Variants in SUPT3H observed in about 807,000 individuals in gnomAD.
The protein encoded by SUPT3H is SPT3 homolog, SAGA and STAGA complex component.
SUPT3H carries 44 observed loss-of-function variants against 44.3 expected under a neutral mutation model. The ratio of observed to expected loss-of-function variants is 0.99; its 90% confidence interval spans 0.78 to 1.28. SUPT3H has a LOEUF of 1.28. Ranked by LOEUF, SUPT3H falls within the 50% of genes most tolerant of loss-of-function variation. The pLI is 0.00. For synonymous variants in SUPT3H, 124 were observed against 125.6 expected (o/e 0.99, Z 0.09); for missense variants, 380 against 387.1 (o/e 0.98, Z 0.15).
intron 2 of SUPT3H, among the ~76,000 whole-genome samples, chr6:45,295,784 C>G (rs372637190): frequency 6.6e-6 from 1 of 151,816 alleles, no homozygotes; most frequent in Non-Finnish European, 1.5e-5. Flanking sequence ...ATCAATACCA[C>G]CAAATCCTGC....
chr6:45,055,390 T>C (rs1195240664), intron 3 of SUPT3H, among the ~76,000 whole-genome samples: 2 of 152,124 alleles, frequency 1.3e-5, no homozygotes, highest in African/African-American at 4.8e-5. Flanking sequence ...TGAACAAATC[T>C]GGTGGCAACA....
At chr6:45,028,529 A>G in intron 3 of SUPT3H, among the ~76,000 whole-genome samples, 1 of 151,870 alleles carries the variant, frequency 6.6e-6, no homozygotes. Flanking sequence ...TACACTTAAA[A>G]TTATTTTGTT....
At chr6:45,359,176 T>G (rs372314818) in intron 2 of SUPT3H, among the ~76,000 whole-genome samples, 3 of 152,300 alleles carry the variant, frequency 2.0e-5, no homozygotes. Flanking sequence ...ATCAATTATT[T>G]TATGTAGCCA....
rs530380389 is a variant in SUPT3H, at chr6:45,219,916, G to A, written c.102-113910C>T. Among the ~76,000 whole-genome samples the A allele has an allele frequency of 3.3e-5, 5 of 151,502 alleles. No homozygotes were observed. In the East Asian group the frequency reaches 7.8e-4, roughly 24 times the overall value. On this transcript the variant is annotated intron_variant, in intron 2 of 10. Coordinates refer to ENST00000371459, the MANE Select transcript of SUPT3H (RefSeq NM_003599.4). Reference sequence around the variant, plus strand: ...TAGCTGGGTGTGGTGGCACGTGCCCGTAGTCCCAGCTATTTGGGAGGCTGA... The same window carrying A: ...TAGCTGGGTGTGGTGGCACGTGCCCATAGTCCCAGCTATTTGGGAGGCTGA...
rs1395782561 is a variant in SUPT3H at position 44,877,264 on chromosome 6, C to CA, written c.913-47408dup. ...GGCAGATCACCTGAGGTCAGGAGTT[C>CA]AAGACCAGTCTGGTCAACATGGTGA... On this transcript the variant is annotated intron_variant, in intron 10 of 10. Coordinates refer to ENST00000371459, the MANE Select transcript of SUPT3H (RefSeq NM_003599.4). Among the ~76,000 whole-genome samples, 7 of 152,260 alleles carry CA rather than the reference C, an allele frequency of 4.6e-5. No homozygotes were observed. The South Asian group carries it at 1.2e-3, about 27-fold the overall frequency.
intron 8 of SUPT3H, among the ~76,000 whole-genome samples, 182 bp from the exon 9 acceptor site, chr6:44,953,599 C>T (rs961508137): frequency 1.3e-5 from 2 of 152,178 alleles, no homozygotes; most frequent in Non-Finnish European, 1.5e-5. Context: ...ATGATATATT[C>T]TGACTTTTTA....
At chr6:44,854,334 T>G (rs563496236) in intron 10 of SUPT3H, among the ~76,000 whole-genome samples, 63 of 152,286 alleles carry the variant, frequency 4.1e-4, no homozygotes, top group Non-Finnish European at 6.5e-4. Context: ...ACACCCTAAC[T>G]GGTCTCCTTG....
intron 10 of SUPT3H, among the ~76,000 whole-genome samples, chr6:44,869,243 T>C (rs1461595759): frequency 1.3e-5 from 2 of 151,902 alleles, no homozygotes; most frequent in Non-Finnish European, 2.9e-5. Flanking sequence ...GAAAGACAAA[T>C]AGCATATCAC....
intron 11 of SUPT3H, among the ~76,000 whole-genome samples, chr6:44,813,212 G>A (rs1169513557): frequency 6.6e-6 from 1 of 152,136 alleles, no homozygotes; most frequent in African/African-American, 2.4e-5. Context: ...TTAAGACAAG[G>A]TCTTGATCTG....
chr6:44,999,393 C>A (rs967122191), intron 6 of SUPT3H, among the ~76,000 whole-genome samples: 1 of 151,930 alleles, frequency 6.6e-6, no homozygotes, highest in Non-Finnish European at 1.5e-5. Context: ...ACCACGTGCA[C>A]CTGAAGGGTG....
chr6:45,330,127 T>A (rs1416539764), intron 2 of SUPT3H, among the ~76,000 whole-genome samples: 2 of 151,772 alleles, frequency 1.3e-5, no homozygotes, highest in East Asian at 1.9e-4. Context: ...CAAAAAAAAA[T>A]GTAAAATTGC....
intron 2 of SUPT3H, among the ~76,000 whole-genome samples, chr6:45,184,981 C>A (rs548232526): frequency 1.3e-5 from 2 of 152,104 alleles, no homozygotes; most frequent in Non-Finnish European, 2.9e-5. Context: ...TAACCTATTC[C>A]GTCCTTGCAG....
At chr6:45,066,005 C>A (rs561436297) in intron 3 of SUPT3H, among the ~76,000 whole-genome samples, 2,442 of 138,210 alleles carry the variant, frequency 0.018, 42 homozygotes, top group South Asian at 0.077. Flanking sequence ...GAGACACAAC[C>A]AAAAAAGAGA....
intron 10 of SUPT3H, among the ~76,000 whole-genome samples, chr6:44,876,620 A>T (rs956294093): frequency 5.3e-5 from 8 of 150,262 alleles, no homozygotes; most frequent in Admixed American, 5.3e-4. Context: ...AACCTGCACA[A>T]TGTGCACATG....
At chr6:45,295,082 T>G (rs1780923574) in intron 2 of SUPT3H, among the ~76,000 whole-genome samples, 1 of 152,108 alleles carries the variant, frequency 6.6e-6, no homozygotes, top group Non-Finnish European at 1.5e-5. Flanking sequence ...GGCATCACAT[T>G]ACCTGATTTC....
At chr6:45,376,196 T>C (rs771486453) in intron 1 of SUPT3H, among the ~76,000 whole-genome samples, 1 of 152,234 alleles carries the variant, frequency 6.6e-6, no homozygotes, top group Non-Finnish European at 1.5e-5. Flanking sequence ...TTTGTCAAGA[T>C]GTAAATAAGT....
chr6:45,050,223 A>G (rs1790055340), intron 3 of SUPT3H, among the ~76,000 whole-genome samples: 1 of 152,068 alleles, frequency 6.6e-6, no homozygotes, highest in African/African-American at 2.4e-5. Flanking sequence ...GGATACTCAG[A>G]GCCACCTTGC....
At chr6:45,301,112 T>C (rs945285301) in intron 2 of SUPT3H, among the ~76,000 whole-genome samples, 1 of 152,184 alleles carries the variant, frequency 6.6e-6, no homozygotes, top group African/African-American at 2.4e-5. Context: ...AGGCAGGTCC[T>C]GGCAATTCTG....
In SUPT3H at chr6:45,128,503, C is replaced by CAAAAA. The variant is rs1168489460; in HGVS notation, c.102-22502_102-22498dup. Among the ~76,000 whole-genome samples the CAAAAA allele has an allele frequency of 1.8e-3, 23 of 12,462 alleles. 6 individuals are homozygous for CAAAAA. The highest frequency in any genetic ancestry group is 8.2e-3 in the African/African-American group (18 of 2,200). 8.2% of individuals were successfully genotyped at this position (12,462 alleles called of 152,430 possible). The stretch of plus-strand genomic sequence containing the variant: ...CTGGCAACAGAGCAAGACTCTGTCT[C>CAAAAA]AAAAAAAAAAAAAAAAAAAAAAAAA... On this transcript the variant is annotated intron_variant, in intron 2 of 10. Coordinates refer to ENST00000371459, the MANE Select transcript of SUPT3H (RefSeq NM_003599.4).
Sources: allele counts gnomAD v4.1 joint callset (sites outside exome capture counted in the v4.1 genomes callset), GRCh38; gene constraint gnomAD v4.1.1; transcripts MANE v1.5; gene names NCBI Gene and HGNC (gene_info 2026-07-23, HGNC 2026-07-21).